Variants in USP35 observed in about 807,000 individuals in gnomAD.
USP35 encodes ubiquitin specific peptidase 35.
In USP35, 69 loss-of-function variants were observed where a neutral mutation model predicts 83.8. The ratio of observed to expected loss-of-function variants is 0.82; its 90% confidence interval spans 0.68 to 1.01. The LOEUF (loss-of-function observed/expected upper bound fraction) is 1.01. USP35 is among the 50% of genes least tolerant of loss of function. The probability of loss-of-function intolerance (pLI) is 0.00; values close to 1 mark genes in which losing one functional copy is unlikely to be tolerated. For missense variants in USP35, 1,503 were observed against 1,362.5 expected, an observed-to-expected ratio of 1.10 and a Z score of -1.62; for synonymous variants, 714 against 589.5, an observed-to-expected ratio of 1.21 and a Z score of -3.06.
intron 6 of USP35, among the ~76,000 whole-genome samples, chr11:78,205,412 G>T (rs995945940): frequency 6.6e-6 from 1 of 152,174 alleles, no homozygotes; most frequent in Non-Finnish European, 1.5e-5. Flanking sequence ...CCTCGCCACC[G>T]CCAGACAGCT....
rs769290316 is a variant in USP35 at position 78,196,291 on chromosome 11, A to G, written c.46A>G (p.Ser16Gly). ...EAVVTSSYPVSVKQGLVRRVL... is the reference protein window; with the variant it reads ...EAVVTSSYPVGVKQGLVRRVL... ...GGTGGTGACGTCGTCATACCCGGTC[A>G]GCGTGAAGCAGGGGCTGGTTCGGCG... Residue 16 changes from serine to glycine, a missense_variant, in exon 2 of 11, where the codon AGC becomes GGC. Coordinates refer to ENST00000529308, the MANE Select transcript of USP35 (RefSeq NM_020798.4). This position sits in a 1 kb window ranked among gnomAD's most constrained non-coding sequence, Gnocchi z 4.8. 6.3e-7 allele frequency: 1 copy of G among 1,594,812 alleles called. No homozygotes were observed. The highest frequency in any genetic ancestry group is 8.5e-7 in the Non-Finnish European group (1 of 1,177,492).
rs769375996 is a variant in USP35, at chr11:78,213,720, C to T, written c.2964C>T (p.Gly988=). The change falls in exon 11 of 11, where the codon GGC becomes GGT. Residue 988 remains glycine (G), a synonymous_variant. Coordinates refer to ENST00000529308, the MANE Select transcript of USP35 (RefSeq NM_020798.4). ...CCACATCTCCGCACTGGGGGAGGGGCTTTGATGAAGACAAGGATGAGGATG... is the reference window on the plus strand; with the variant it reads ...CCACATCTCCGCACTGGGGGAGGGGTTTTGATGAAGACAAGGATGAGGATG... ...ALPTSPHWGR[G]FDEDKDEDEG... is the part of the protein sequence containing the mutation. 2.0e-6 allele frequency: 3 copies of T among 1,534,486 alleles called. No homozygotes were observed. The highest frequency in any genetic ancestry group is 2.6e-6 in the Non-Finnish European group (3 of 1,151,080).
At chr11:78,226,627 T>C in the USP35 span, 3 of 1,612,658 alleles carry the variant, frequency 1.9e-6, no homozygotes, top group Non-Finnish European at 2.5e-6. Flanking sequence ...GGGGGAGCTA[T>C]GGCTGAGTCC....
chr11:78,200,675 T>A lies in USP35; in HGVS notation c.1064T>A (p.Val355Glu), dbSNP rs1237903058. 1 of 1,612,816 alleles carries A rather than the reference T, an allele frequency of 6.2e-7. No individual in the cohort carries two copies. Among genetic ancestry groups the A allele is most frequent in the Non-Finnish European group, 8.5e-7 (1 of 1,179,240 alleles). Residue 355 changes from valine to glutamate, a missense_variant, in exon 6 of 11, where the codon GTG becomes GAG. By Grantham distance (121) the Val-to-Glu change is moderately radical. Transcript: ENST00000529308. ...HLLLPHIPPM[V>E]ASLVKEDSNS... ...CTCCTCCCTCACATCCCCCCCATGG[T>A]GGCCTCTCTGGTCAAGGAGGACTCG...
At chr11:78,209,388 C>G in intron 9 of USP35, 60 bp from the exon 10 acceptor site, 2 of 1,482,116 alleles carry the variant, frequency 1.3e-6, no homozygotes, top group Non-Finnish European at 1.8e-6. Context: ...CATGGATAAG[C>G]TGAGTGCCCC....
At chr11:78,200,597 GTGT>G in intron 5 of USP35, 50 bp from the exon 6 acceptor site, 1 of 1,554,956 alleles carries the variant, frequency 6.4e-7, no homozygotes, top group East Asian at 2.3e-5. Flanking sequence ...CCACAGCCCC[GTGT>G]CTCAGGTGGG....
At chr11:78,197,333 C>T (rs1221213038) in intron 2 of USP35, among the ~76,000 whole-genome samples, 2 of 151,868 alleles carry the variant, frequency 1.3e-5, no homozygotes, top group East Asian at 3.9e-4. Context: ...CACCTGGCAG[C>T]AGGGGCAAGG....
chr11:78,231,339 GTGTGTGT>G, the USP35 span, among the ~76,000 whole-genome samples: 1 of 149,412 alleles, frequency 6.7e-6, no homozygotes, highest in African/African-American at 2.5e-5. Context: ...CGTGTGTGGT[GTGTGTGT>G]GTGTGTGTGT....
intron 1 of USP35, among the ~76,000 whole-genome samples, chr11:78,189,525 T>C (rs1157215291): frequency 6.6e-6 from 1 of 152,130 alleles, no homozygotes; most frequent in Non-Finnish European, 1.5e-5. Flanking sequence ...GAGGCCACCA[T>C]TGCTTGGAAT....
At chr11:78,207,769 G>A in intron 8 of USP35, 146 bp downstream of exon 8, 1 of 830,530 alleles carries the variant, frequency 1.2e-6, no homozygotes, top group Middle Eastern at 3.6e-4. Context: ...CTGGCATATG[G>A]AACTGATTTA....
Position 78,207,598 on chromosome 11 carries a change from T to G in USP35, c.1460T>G (p.Leu487Arg), listed in dbSNP as rs1382994878. Residue 487 changes from leucine (L) to arginine (R), a missense_variant, in exon 8 of 11, where the codon CTC becomes CGC. Coordinates refer to ENST00000529308, the MANE Select transcript of USP35 (RefSeq NM_020798.4). ...CCCCTGATGACCAAGCTGCAGTGGC[T>G]CTTTGGCTTCCTAGAACACAGCCAG... Reference protein sequence around the residue: ...SQPLMTKLQWLFGFLEHSQRP... With the variant: ...SQPLMTKLQWRFGFLEHSQRP... The G allele has an allele frequency of 6.2e-7, 1 of 1,614,080 alleles. No individual in the cohort carries two copies.
At chr11:78,225,753 A>G in the USP35 span, among the ~76,000 whole-genome samples, 1 of 152,182 alleles carries the variant, frequency 6.6e-6, no homozygotes, top group Non-Finnish European at 1.5e-5. Context: ...ACTCTATTTA[A>G]GTCTCTTAAC....
rs138073234 is a variant in USP35 at position 78,199,932 on chromosome 11, G to C, written c.937-201G>C. Among the ~76,000 whole-genome samples, 949 of 152,300 alleles carry C rather than the reference G, an allele frequency of 6.2e-3. 8 individuals carry two copies. The highest frequency in any genetic ancestry group is 0.022 in the African/African-American group (898 of 41,562). On this transcript the variant is annotated intron_variant, in intron 4 of 10. Transcript: ENST00000529308. ...CAAGTATGTGTGTCTGACTTTTGGT[G>C]TGTCCATCCATTCCTCAGATATCTA...
the USP35 span, chr11:78,226,767 A>G: frequency 1.9e-6 from 3 of 1,614,064 alleles, no homozygotes; most frequent in Non-Finnish European, 2.5e-6. Flanking sequence ...CTCCCTGCAC[A>G]GGGTGTTGCT....
chr11:78,227,278 C>T, the USP35 span, among the ~76,000 whole-genome samples: 8 of 152,244 alleles, frequency 5.3e-5, no homozygotes, highest in South Asian at 1.7e-3. Context: ...GGTTATAACC[C>T]CCACTCCCTG....
the USP35 span, among the ~76,000 whole-genome samples, chr11:78,230,432 T>G: frequency 6.6e-6 from 1 of 152,274 alleles, no homozygotes; most frequent in Non-Finnish European, 1.5e-5. Context: ...AGAAGCCTTT[T>G]CACTCTACAA....
the USP35 span, among the ~76,000 whole-genome samples, chr11:78,233,607 T>A: frequency 6.6e-6 from 1 of 151,488 alleles, no homozygotes; most frequent in Non-Finnish European, 1.5e-5. Flanking sequence ...ATTTTGTGAT[T>A]TGTCTTTTTT....
intron 2 of USP35, among the ~76,000 whole-genome samples, chr11:78,197,247 GGGT>G (rs1863182338): frequency 6.7e-6 from 1 of 149,266 alleles, no homozygotes; most frequent in African/African-American, 2.5e-5. Flanking sequence ...GTGGGGGGGG[GGGT>G]CATTATGGTC....
At chr11:78,228,552 T>C in the USP35 span, among the ~76,000 whole-genome samples, 1 of 152,182 alleles carries the variant, frequency 6.6e-6, no homozygotes, top group South Asian at 2.1e-4. Context: ...AGTTTGTTAT[T>C]TACAGATGTG....
Sources: allele counts gnomAD v4.1 joint callset (sites outside exome capture counted in the v4.1 genomes callset), GRCh38; gene constraint gnomAD v4.1.1; non-coding constraint Gnocchi (gnomAD v3.1); transcripts MANE v1.5; gene names NCBI Gene and HGNC (gene_info 2026-07-23, HGNC 2026-07-21).